NINL: variants seen among roughly 807,000 people sequenced by gnomAD.
The protein encoded by NINL is ninein like.
NINL carries 153 observed loss-of-function variants against 160.3 expected under a neutral mutation model. The ratio of observed to expected loss-of-function variants is 0.95; its 90% CI spans 0.84 to 1.09. The LOEUF (loss-of-function observed/expected upper bound fraction) is 1.09, where lower values mean the gene tolerates loss of function less well. Ranked by LOEUF, NINL falls within the 50% of genes least tolerant of loss-of-function variation. The probability of loss-of-function intolerance (pLI) is 0.00; values close to 1 mark genes in which losing one functional copy is unlikely to be tolerated. For missense variants in NINL, 1,829 were observed against 1,764.0 expected (o/e 1.04, Z -0.66); for synonymous variants, 800 against 734.8 (o/e 1.09, Z -1.43).
At chr20:25,535,170 G>C (rs1395129771) in intron 1 of NINL, among the ~76,000 whole-genome samples, 1 of 152,170 alleles carries the variant, frequency 6.6e-6, no homozygotes, top group African/African-American at 2.4e-5. Flanking sequence ...CCGGCATAGA[G>C]AGACAAACGC....
intron 1 of NINL, among the ~76,000 whole-genome samples, chr20:25,584,784 G>C (rs2065209217): frequency 6.6e-6 from 1 of 152,164 alleles, no homozygotes; most frequent in Non-Finnish European, 1.5e-5. Context: ...CTAACAATGG[G>C]GCATCAGTAC....
At chr20:25,500,742 G>A (rs543254957) in intron 8 of NINL, 98 bp downstream of exon 8, 4 of 1,358,166 alleles carry the variant, frequency 2.9e-6, no homozygotes, top group Non-Finnish European at 4.1e-6. Flanking sequence ...ACACACCCCT[G>A]CTGGGTCCCC....
rs1248709391 is a variant in NINL at position 25,562,223 on chromosome 20, G to A, written c.-12+23232C>T. ...CCGCCCCGTCCGGGAGGTGAGGGGC[G>A]CCTCTGCCCGGCCGCCCCTACTGGG... is the stretch of plus-strand genomic sequence containing the variant. On this transcript the variant is annotated intron_variant, in intron 1 of 23. Coordinates refer to ENST00000278886, the MANE Select transcript of NINL (RefSeq NM_025176.6). 3.4e-4 allele frequency among the ~76,000 whole-genome samples: 44 copies of A among 130,260 alleles called. 1 individual carries two copies. The South Asian group carries it at 9.8e-3, about 29-fold the overall frequency. 85.5% of individuals were successfully genotyped at this position (130,260 alleles called of 152,430 possible).
intron 1 of NINL, among the ~76,000 whole-genome samples, chr20:25,546,392 CATA>C (rs2064732890): frequency 6.6e-6 from 1 of 152,070 alleles, no homozygotes; most frequent in South Asian, 2.1e-4. Context: ...TCAATCAGAG[CATA>C]ATGTTATAGA....
At chr20:25,488,003 T>G (rs921849229) in intron 13 of NINL, among the ~76,000 whole-genome samples, 5 of 152,212 alleles carry the variant, frequency 3.3e-5, no homozygotes, top group South Asian at 2.1e-4. Flanking sequence ...AATGGAGGCT[T>G]TGCAATGCCC....
At chr20:25,578,028 T>G (rs1469486282) in intron 1 of NINL, among the ~76,000 whole-genome samples, 1 of 151,582 alleles carries the variant, frequency 6.6e-6, no homozygotes, top group Admixed American at 6.6e-5. Context: ...GATGGGGTTT[T>G]TCCACGTTGG....
chr20:25,464,924 G>A (rs1276212462), intron 19 of NINL, among the ~76,000 whole-genome samples: 1 of 152,210 alleles, frequency 6.6e-6, no homozygotes, highest in African/African-American at 2.4e-5. Flanking sequence ...ACTGTGCAGG[G>A]AGCTGCATCA....
chr20:25,550,231 C>T (rs930329666), intron 1 of NINL, among the ~76,000 whole-genome samples: 7 of 152,152 alleles, frequency 4.6e-5, no homozygotes, highest in African/African-American at 1.4e-4. Context: ...AAAAATTAGC[C>T]GGGCATGGTG....
At position 25,476,156 on chromosome 20, in the gene NINL, C is replaced by T. The variant is rs949953511; in HGVS notation, c.3135G>A (p.Gly1045=). ...CTCTCTCCAGCGCTATTTTGGTCTC[C>T]CCCTCTTCTGGGGCAGCAAGCTGCT... is the stretch of plus-strand genomic sequence containing the variant. ...WQEQLAAPEE[G]ETKIALEREK... is the part of the protein sequence containing the mutation. Residue 1045 remains glycine, a synonymous_variant, in exon 17 of 24, where the codon GGG becomes GGA. Transcript: ENST00000278886. 6 of 1,614,198 alleles carry T rather than the reference C, an allele frequency of 3.7e-6. No homozygotes were observed. Among genetic ancestry groups the T allele is most frequent in the Non-Finnish European group, 5.1e-6 (6 of 1,180,038 alleles).
At chr20:25,577,372 CT>C (rs1416986567) in intron 1 of NINL, among the ~76,000 whole-genome samples, 2 of 152,312 alleles carry the variant, frequency 1.3e-5, no homozygotes, top group South Asian at 2.1e-4. Context: ...TTTTGTCCTC[CT>C]CCCGAGCATG....
At chr20:25,502,099 A>G (rs892965178) in intron 7 of NINL, among the ~76,000 whole-genome samples, 6 of 152,208 alleles carry the variant, frequency 3.9e-5, no homozygotes, top group Non-Finnish European at 1.5e-5. Flanking sequence ...CTCCTGCCTC[A>G]GCCTCCTGAG....
intron 19 of NINL, among the ~76,000 whole-genome samples, chr20:25,465,774 A>G (rs1169104089): frequency 6.6e-6 from 1 of 152,200 alleles, no homozygotes; most frequent in Admixed American, 6.5e-5. Context: ...GGCTGAACAG[A>G]GTCATAGTTA....
rs113365927 is a variant in NINL at position 25,479,119 on chromosome 20, C to T, written c.2005G>A (p.Val669Ile). 3.7e-6 allele frequency: 6 copies of T among 1,613,906 alleles called. No individual in the cohort carries two copies. Among genetic ancestry groups the T allele is most frequent in the African/African-American group, 1.3e-5 (1 of 75,078 alleles). The change falls in exon 16 of 24, where the codon GTC (valine) becomes ATC (isoleucine). Residue 669 changes from valine (V) to isoleucine (I), a missense_variant. Transcript: ENST00000278886. ...KDMEQARRRE[V>I]SVLEGQKADL... ...GCCTTCTGACCCTCCAGCACGCTGA[C>T]CTCGCGCCTGCGAGCCTGCTCCATG...
chr20:25,565,779 A>G (rs768882801), intron 1 of NINL, among the ~76,000 whole-genome samples: 1 of 152,158 alleles, frequency 6.6e-6, no homozygotes, highest in Non-Finnish European at 1.5e-5. Context: ...CAATGTGGGC[A>G]GGTACCATCT....
rs1174494740 is a variant in NINL at position 25,461,545 on chromosome 20, T to C, written c.3673A>G (p.Thr1225Ala). 1 of 1,589,060 alleles carries C rather than the reference T, an allele frequency of 6.3e-7. No individual in the cohort carries two copies. Among genetic ancestry groups the C allele is most frequent in the Non-Finnish European group, 8.5e-7 (1 of 1,170,814 alleles). ...ACCTGGTCTTGACTTTCCTCAAGGG[T>C]CTGGGTCAGCTCTGACCATGGCAGC... ...LQLPWSELTQ[T>A]LEESQDQVQG... Residue 1225 changes from threonine (T) to alanine (A), a missense_variant, in exon 21 of 24, where the codon ACC becomes GCC. Coordinates refer to ENST00000278886, the MANE Select transcript of NINL (RefSeq NM_025176.6).
chr20:25,555,961 C>T (rs1241692130), intron 1 of NINL, among the ~76,000 whole-genome samples: 1 of 148,066 alleles, frequency 6.8e-6, no homozygotes, highest in African/African-American at 2.5e-5. Context: ...AAGCGTGAGC[C>T]ACCATGCCCG....
chr20:25,477,496 C>T (rs1441695715), intron 16 of NINL, among the ~76,000 whole-genome samples: 3 of 152,218 alleles, frequency 2.0e-5, no homozygotes, highest in Non-Finnish European at 4.4e-5. Context: ...CGCTGGAGAC[C>T]CAGAGCCAAA....
At chr20:25,570,805 C>A (rs1294890188) in intron 1 of NINL, among the ~76,000 whole-genome samples, 2 of 145,228 alleles carry the variant, frequency 1.4e-5, no homozygotes, top group African/African-American at 2.5e-5. Flanking sequence ...CAGGCTCATG[C>A]GATTCTCCTG....
chr20:25,529,012 A>T (rs1295556153), intron 1 of NINL, among the ~76,000 whole-genome samples: 3 of 152,196 alleles, frequency 2.0e-5, no homozygotes, highest in Non-Finnish European at 4.4e-5. Context: ...TGGAGTCAGA[A>T]AAAGAATGTA....
Sources: allele counts gnomAD v4.1 joint callset (sites outside exome capture counted in the v4.1 genomes callset), GRCh38; gene constraint gnomAD v4.1.1; transcripts MANE v1.5; gene names NCBI Gene and HGNC (gene_info 2026-07-23, HGNC 2026-07-21).